The following DDR2 variants were observed in gnomAD, a reference collection of about 807,000 sequenced individuals.
The protein encoded by DDR2 is discoidin domain-containing receptor 2.
DDR2 carries 27 observed loss-of-function variants against 94.9 expected under a neutral mutation model. The observed-to-expected ratio is 0.28, with a 90% CI of 0.21 to 0.39. The LOEUF (loss-of-function observed/expected upper bound fraction) is 0.39. DDR2 is among the 10% of genes least tolerant of loss of function. The pLI is 1.00. For missense variants in DDR2, 783 were observed against 1,076.0 expected (o/e 0.73, Z 3.81); for synonymous variants, 382 against 377.2 (o/e 1.01, Z -0.15).
intron 3 of DDR2, among the ~76,000 whole-genome samples, chr1:162,751,072 G>A (rs1663170533): frequency 6.6e-6 from 1 of 152,186 alleles, no homozygotes; most frequent in African/African-American, 2.4e-5. Context: ...ATACCATTAA[G>A]GACATAGGCA....
In DDR2 at chr1:162,770,372, A is replaced by C; in HGVS notation, c.1364A>C (p.Asn455Thr). Residue 455 changes from asparagine (N) to threonine (T), a missense_variant, in exon 12 of 18, where the codon AAC (asparagine) becomes ACC (threonine). Asn to Thr is a moderately conservative substitution (Grantham distance 65). Coordinates refer to ENST00000367921, the MANE Select transcript of DDR2 (RefSeq NM_006182.4). ...LSLPSDSSMF[N>T]NNRSSSPSEQ... ...CTGCCAAGTGATTCTAGCATGTTCA[A>C]CAATAACCGCTCCTCATCACCTAGT... 6.2e-7 allele frequency: 1 copy of C among 1,614,104 alleles called. No homozygotes were observed. Among genetic ancestry groups the C allele is most frequent in the Non-Finnish European group, 8.5e-7 (1 of 1,180,012 alleles).
At position 162,750,496 on chromosome 1, in the gene DDR2, G is replaced by A. The variant is rs544967856; in HGVS notation, c.83-2599G>A. On this transcript the variant is annotated intron_variant, in intron 3 of 17. Coordinates refer to ENST00000367921, the MANE Select transcript of DDR2 (RefSeq NM_006182.4). ...ACCACTGCTCAACAAAGTAAAAGAG[G>A]ACACAAACAAATGGAAGAACATTCC... 1.2e-4 allele frequency among the ~76,000 whole-genome samples: 18 copies of A among 152,256 alleles called. No individual in the cohort carries two copies. The South Asian group carries it at 3.5e-3, about 30-fold the overall frequency.
At chr1:162,693,913 CA>C (rs1660067850) in intron 2 of DDR2, among the ~76,000 whole-genome samples, 6 of 152,190 alleles carry the variant, frequency 3.9e-5, no homozygotes, top group Admixed American at 2.0e-4. Flanking sequence ...TGAATCAAAT[CA>C]TGATCCATTT....
chr1:162,688,271 A>G (rs957115671), intron 2 of DDR2, among the ~76,000 whole-genome samples: 2 of 152,218 alleles, frequency 1.3e-5, no homozygotes, highest in Admixed American at 1.3e-4. Flanking sequence ...CTTCATTTGC[A>G]CAGATATCTG....
At chr1:162,695,417 G>A (rs150750526) in intron 2 of DDR2, among the ~76,000 whole-genome samples, 240 of 152,280 alleles carry the variant, frequency 1.6e-3, no homozygotes, top group African/African-American at 5.5e-3. Context: ...TTTTAGTAGA[G>A]ATGGGGTTTC....
rs1647349555 is a variant in DDR2, at chr1:162,773,533, G to A, written c.1793G>A (p.Ser598Asn). The A allele has an allele frequency of 6.2e-7, 1 of 1,614,124 alleles. No individual in the cohort carries two copies. Among genetic ancestry groups the A allele is most frequent in the Non-Finnish European group, 8.5e-7 (1 of 1,179,974 alleles). Residue 598 changes from serine to asparagine, a missense_variant, in exon 14 of 18, where the codon AGT (serine) becomes AAT (asparagine). Ser to Asn is a conservative substitution (Grantham distance 46, BLOSUM62 1). Around this residue, in one of 2 missense-constraint regions of DDR2, gnomAD observed 264 missense variants for 428.2 expected, o/e 0.62. Transcript: ENST00000367921. The stretch of plus-strand genomic sequence containing the variant: ...GACAAAGATTTTGCCCTAGATGTCA[G>A]TGCCAACCAGCCTGTCCTGGTGGCT... ...FKDKDFALDV[S>N]ANQPVLVAVK... is the part of the protein sequence containing the mutation.
intron 7 of DDR2, among the ~76,000 whole-genome samples, chr1:162,757,910 T>C (rs1663535599): frequency 6.6e-6 from 1 of 152,168 alleles, no homozygotes; most frequent in Admixed American, 6.5e-5. Flanking sequence ...CAGATGAAGT[T>C]TGACAGTCTA....
intron 2 of DDR2, among the ~76,000 whole-genome samples, chr1:162,710,529 G>A (rs1660853670): frequency 6.6e-6 from 1 of 152,120 alleles, no homozygotes; most frequent in South Asian, 2.1e-4. Context: ...CCCATCTCTT[G>A]CCAAAACCAA....
chr1:162,723,889 GAA>G (rs1014026002), intron 3 of DDR2, among the ~76,000 whole-genome samples: 4 of 152,150 alleles, frequency 2.6e-5, no homozygotes, highest in Non-Finnish European at 4.4e-5. Flanking sequence ...CTTCCACTTT[GAA>G]AAAGAGTGGC....
At chr1:162,674,355 G>T (rs1659027136) in intron 2 of DDR2, among the ~76,000 whole-genome samples, 1 of 152,156 alleles carries the variant, frequency 6.6e-6, no homozygotes. Flanking sequence ...GGGGTGGTCT[G>T]CTCTCACCAA....
intron 2 of DDR2, among the ~76,000 whole-genome samples, chr1:162,666,756 A>G (rs1658592533): frequency 6.6e-6 from 1 of 152,060 alleles, no homozygotes; most frequent in African/African-American, 2.4e-5. Flanking sequence ...AAATCTCACC[A>G]CTTAAGAATT....
upstream of DDR2, chr1:162,631,339 C>T (rs1295261326): frequency 6.6e-6 from 1 of 152,204 alleles, no homozygotes; most frequent in Non-Finnish European, 1.5e-5. Flanking sequence ...TTTTCTTGCT[C>T]ATCTTGGAGA....
chr1:162,754,636 A>G lies in DDR2; in HGVS notation c.198A>G (p.Glu66=). The G allele has an allele frequency of 1.2e-6, 2 of 1,614,088 alleles. No homozygotes were observed. Among genetic ancestry groups the G allele is most frequent in the Non-Finnish European group, 1.7e-6 (2 of 1,179,982 alleles). The change falls in exon 5 of 18, where the codon GAA becomes GAG. Residue 66 remains glutamate, a synonymous_variant. Coordinates refer to ENST00000367921, the MANE Select transcript of DDR2 (RefSeq NM_006182.4). Reference sequence around the variant, plus strand: ...CTCACCTCTCAAGGCTGGACTCAGAAGAAGGGGATGGAGCCTGGTGCCCTG... The same window carrying G: ...CTCACCTCTCAAGGCTGGACTCAGAGGAAGGGGATGGAGCCTGGTGCCCTG... The part of the protein sequence containing the change: ...TAAKYGRLDS[E]EGDGAWCPEI...
In DDR2 at chr1:162,712,583, A is replaced by G. The variant is rs190564315; in HGVS notation, c.-27-6454A>G. ...CCCAGTGGGGGCAGTCCTGAGATGG[A>G]GAGCTGGTGGTCTTTTGTCAGATCT... is the stretch of plus-strand genomic sequence containing the variant. On this transcript the variant is annotated intron_variant, in intron 2 of 17. Coordinates refer to ENST00000367921, the MANE Select transcript of DDR2 (RefSeq NM_006182.4). Among the ~76,000 whole-genome samples the G allele has an allele frequency of 1.5e-4, 23 of 152,072 alleles. No homozygotes were observed. The East Asian group carries it at 4.3e-3, about 28-fold the overall frequency.
At chr1:162,764,443 G>A (rs536685507) in intron 9 of DDR2, among the ~76,000 whole-genome samples, 2 of 151,302 alleles carry the variant, frequency 1.3e-5, no homozygotes, top group East Asian at 1.9e-4. Flanking sequence ...ACAATAAATG[G>A]TCAGGAGGAG....
intron 2 of DDR2, among the ~76,000 whole-genome samples, chr1:162,683,956 T>C (rs551252929): frequency 6.6e-6 from 1 of 152,262 alleles, no homozygotes; most frequent in East Asian, 1.9e-4. Context: ...ACAAACTAAG[T>C]GGGAGGAATC....
intron 2 of DDR2, among the ~76,000 whole-genome samples, chr1:162,670,448 C>T (rs1294330080): frequency 6.6e-6 from 1 of 152,162 alleles, no homozygotes; most frequent in Non-Finnish European, 1.5e-5. Context: ...GAATCAGGCT[C>T]GTTCAGGTTA....
intron 1 of DDR2, among the ~76,000 whole-genome samples, chr1:162,645,910 TG>T (rs1657383982): frequency 6.6e-6 from 1 of 152,226 alleles, no homozygotes; most frequent in African/African-American, 2.4e-5. Flanking sequence ...CTTCTTTGTG[TG>T]TTTATGCCTC....
intron 3 of DDR2, among the ~76,000 whole-genome samples, chr1:162,751,049 GA>G (rs1663169268): frequency 6.6e-6 from 1 of 152,154 alleles, no homozygotes; most frequent in Admixed American, 6.5e-5. Context: ...AACCCTAGAA[GA>G]AAACCTAGGC....
Sources: gnomAD v4.1 joint callset for allele counts (sites outside exome capture counted in the v4.1 genomes callset) on GRCh38, gnomAD v4.1.1 for gene constraint, gnomAD v4.1.1 regional missense constraint, MANE v1.5 for transcripts, NCBI Gene and HGNC (gene_info 2026-07-23, HGNC 2026-07-21) for gene names.